SLC39A8: variants seen among roughly 807,000 people sequenced by gnomAD.
SLC39A8 encodes the protein solute carrier family 39 member 8.
SLC39A8 carries 15 observed loss-of-function variants against 40.4 expected under a neutral mutation model. The observed-to-expected ratio is 0.37, with a 90% CI of 0.25 to 0.57. The LOEUF is 0.57. SLC39A8 is among the 20% of genes least tolerant of loss of function. The pLI is 0.75. For synonymous variants in SLC39A8, 223 were observed against 221.6 expected, an observed-to-expected ratio of 1.01 and a Z score of -0.06; for missense variants, 472 against 558.8, an observed-to-expected ratio of 0.84 and a Z score of 1.57.
intron 6 of SLC39A8, among the ~76,000 whole-genome samples, chr4:102,285,000 C>T (rs568690882): frequency 1.3e-5 from 2 of 152,252 alleles, no homozygotes; most frequent in East Asian, 3.9e-4. Flanking sequence ...CTAAACGTTT[C>T]TGACTTTTAT....
In SLC39A8 at chr4:102,267,514, G is replaced by A; in HGVS notation, c.1209C>T (p.Phe403=). 3 of 1,610,094 alleles carry A rather than the reference G, an allele frequency of 1.9e-6. No individual in the cohort carries two copies. The highest frequency in any genetic ancestry group is 2.5e-6 in the Non-Finnish European group (3 of 1,178,892). The part of the protein sequence containing the change: ...NIIFALAGGM[F]LYISLADMFP... Reference sequence around the variant, plus strand: ...CCATATCTGCCAGAGAAATATAGAGGAACATGCCTCCAGCAAGTGCAAATA... The same window carrying A: ...CCATATCTGCCAGAGAAATATAGAGAAACATGCCTCCAGCAAGTGCAAATA... The change falls in exon 8 of 9, where the codon TTC becomes TTT. Residue 403 remains phenylalanine, a synonymous_variant. Coordinates refer to ENST00000356736, the MANE Select transcript of SLC39A8 (RefSeq NM_001135146.2).
chr4:102,320,183 ATATATATG>A (rs1353304901), intron 2 of SLC39A8, among the ~76,000 whole-genome samples: 42 of 95,594 alleles, frequency 4.4e-4, no homozygotes, highest in African/African-American at 1.4e-3. Context: ...ATATATATAT[ATATATATG>A]TATATATATA....
chr4:102,252,005 G>A (rs1327408009), exon 12 of SLC39A8: 1 of 152,184 alleles, frequency 6.6e-6, no homozygotes, highest in Non-Finnish European at 1.5e-5. Flanking sequence ...CTTCCTCTTG[G>A]AGATTGCATG....
intron 2 of SLC39A8, among the ~76,000 whole-genome samples, chr4:102,334,585 A>G (rs2149053452): frequency 6.6e-6 from 1 of 152,326 alleles, no homozygotes; most frequent in African/African-American, 2.4e-5. Flanking sequence ...AGCAGAGAAC[A>G]TATGCCAGCT....
chr4:102,306,767 TTTCATTTATTTCCCTTCCTCCATTTCTC>T (rs1734189649), intron 4 of SLC39A8, among the ~76,000 whole-genome samples: 1 of 152,080 alleles, frequency 6.6e-6, no homozygotes, highest in South Asian at 2.1e-4. Flanking sequence ...TCTCTTTTCC[TTTCATTTATTTCCCTTCCTCCATTTCTC>T]TTCCTTATAT....
chr4:102,267,567 C>A lies in SLC39A8; in HGVS notation c.1156G>T (p.Val386Leu), dbSNP rs1016093685. Reference sequence around the variant, plus strand: ...ATATTTGGAGCGAAATTGTTGCCCACCAAAATGCCAAAAGCTAGCCCAACA... The same window carrying A: ...ATATTTGGAGCGAAATTGTTGCCCAACAAAATGCCAAAAGCTAGCCCAACA... Reference protein sequence around the residue: ...CYVGLAFGILVGNNFAPNIIF... With the variant: ...CYVGLAFGILLGNNFAPNIIF... Residue 386 changes from valine to leucine, a missense_variant, in exon 8 of 9, where the codon GTG becomes TTG. By Grantham distance (32) the Val-to-Leu change is conservative. Around this residue, in one of 4 missense-constraint regions of SLC39A8, gnomAD observed 239 missense variants for 317.9 expected, o/e 0.75. Coordinates refer to ENST00000356736, the MANE Select transcript of SLC39A8 (RefSeq NM_001135146.2). 2 of 1,613,942 alleles carry A rather than the reference C, an allele frequency of 1.2e-6. No homozygotes were observed. Among genetic ancestry groups the A allele is most frequent in the Non-Finnish European group, 8.5e-7 (1 of 1,179,966 alleles).
chr4:102,332,674 C>A (rs1480093329), intron 2 of SLC39A8, among the ~76,000 whole-genome samples: 1 of 152,148 alleles, frequency 6.6e-6, no homozygotes, highest in East Asian at 1.9e-4. Flanking sequence ...GGGTATATAC[C>A]CAAAGGATTA....
intron 8 of SLC39A8, among the ~76,000 whole-genome samples, chr4:102,266,652 G>A (rs72924824): frequency 4.3e-4 from 64 of 150,102 alleles, no homozygotes; most frequent in African/African-American, 1.6e-3. Flanking sequence ...TCTGTCGTCA[G>A]GCTGGAGTAC....
At chr4:102,253,799 TATAC>T (rs1731647846) in intron 11 of SLC39A8, among the ~76,000 whole-genome samples, 1 of 152,164 alleles carries the variant, frequency 6.6e-6, no homozygotes, top group Non-Finnish European at 1.5e-5. Context: ...ATATGTTATA[TATAC>T]ATACATACAT....
chr4:102,320,024 C>T (rs866681325), intron 2 of SLC39A8, among the ~76,000 whole-genome samples: 1 of 151,356 alleles, frequency 6.6e-6, no homozygotes, highest in Non-Finnish European at 1.5e-5. Flanking sequence ...ACACCACTGG[C>T]TCCTCTGGTT....
At position 102,261,946 on chromosome 4, in the gene SLC39A8, G is replaced by A; in HGVS notation, c.*1098C>T. 1.0e-6 allele frequency: 1 copy of A among 985,716 alleles called. No homozygotes were observed. Among genetic ancestry groups the A allele is most frequent in the Non-Finnish European group, 1.2e-6 (1 of 829,866 alleles). The allele number at this position is 985,716 out of a possible 1,614,324, so 61.1% of individuals were successfully genotyped here. A position where few individuals can be genotyped will look rare whatever the true frequency, so the allele number is the denominator to read the frequency against. On this transcript the variant is annotated 3_prime_UTR_variant, in exon 9 of 9. Coordinates refer to ENST00000356736, the MANE Select transcript of SLC39A8 (RefSeq NM_001135146.2). ...CTCTATCTTCTAAATGAGTAAACAG[G>A]CTCTGTCTTTTATAAAAGGTAGAAA... is the stretch of plus-strand genomic sequence containing the variant.
chr4:102,305,092 T>C lies in SLC39A8; in HGVS notation c.572A>G (p.Lys191Arg), dbSNP rs1403269067. The C allele has an allele frequency of 1.5e-5, 24 of 1,607,920 alleles. No homozygotes were observed. Among genetic ancestry groups the C allele is most frequent in the Non-Finnish European group, 2.0e-5 (23 of 1,177,506 alleles). The change falls in exon 5 of 9, where the codon AAA becomes AGA. Residue 191 changes from lysine to arginine, a missense_variant. Lys to Arg is a conservative substitution (Grantham distance 26). Transcript: ENST00000356736. ...TGCCTTCTCAACATAACTGTCGACTTTGGGATCAAATCCAAATGCCTAAGG... is the reference window on the plus strand; with the variant it reads ...TGCCTTCTCAACATAACTGTCGACTCTGGGATCAAATCCAAATGCCTAAGG... ...LIPEAFGFDPKVDSYVEKAVA... is the reference protein window; with the variant it reads ...LIPEAFGFDPRVDSYVEKAVA...
chr4:102,263,514 T>C (rs1731958586), intron 8 of SLC39A8, among the ~76,000 whole-genome samples: 1 of 152,234 alleles, frequency 6.6e-6, no homozygotes, highest in Non-Finnish European at 1.5e-5. Flanking sequence ...GTAATCTTTT[T>C]GCTGGTGGAG....
chr4:102,339,160 A>T (rs1354411745), intron 2 of SLC39A8, among the ~76,000 whole-genome samples: 1 of 152,164 alleles, frequency 6.6e-6, no homozygotes, highest in Non-Finnish European at 1.5e-5. Flanking sequence ...CTTATGTGAG[A>T]GTGATCTAAT....
intron 3 of SLC39A8, among the ~76,000 whole-genome samples, chr4:102,312,334 C>T (rs1347437720): frequency 6.6e-6 from 1 of 152,030 alleles, no homozygotes; most frequent in Non-Finnish European, 1.5e-5. Flanking sequence ...CCCTAAGAGG[C>T]ATTTCTCTTT....
intron 6 of SLC39A8, among the ~76,000 whole-genome samples, chr4:102,294,817 T>C (rs1342222169): frequency 6.6e-6 from 1 of 151,990 alleles, no homozygotes; most frequent in Non-Finnish European, 1.5e-5. Context: ...AAAGTAAACT[T>C]ATGACCAAAA....
chr4:102,278,577 G>A (rs1732727792), intron 6 of SLC39A8, among the ~76,000 whole-genome samples: 1 of 151,010 alleles, frequency 6.6e-6, no homozygotes, highest in African/African-American at 2.5e-5. Flanking sequence ...GGAAGACAGT[G>A]TAGCAATTCC....
At chr4:102,300,437 T>C (rs1180542251) in intron 6 of SLC39A8, among the ~76,000 whole-genome samples, 1 of 152,080 alleles carries the variant, frequency 6.6e-6, no homozygotes, top group Non-Finnish European at 1.5e-5. Context: ...CAGAATTGCT[T>C]GGATGAATAA....
chr4:102,320,209 A>ATG (rs1734862516), intron 2 of SLC39A8, among the ~76,000 whole-genome samples: 2 of 138,148 alleles, frequency 1.4e-5, no homozygotes, highest in Non-Finnish European at 3.1e-5. Context: ...ATATGTATAT[A>ATG]TATATGTATA....
Sources: allele counts gnomAD v4.1 joint callset (sites outside exome capture counted in the v4.1 genomes callset), GRCh38; gene constraint gnomAD v4.1.1; regional missense constraint gnomAD v4.1.1; transcripts MANE v1.5; gene names NCBI Gene and HGNC (gene_info 2026-07-23, HGNC 2026-07-21).